The following CXorf66 variants were observed in gnomAD, a reference collection of about 807,000 sequenced individuals.
CXorf66 encodes the protein uncharacterized protein CXorf66.
A neutral mutation model predicts 5.0 loss-of-function variants in CXorf66; 6 were observed. That is an observed-to-expected ratio of 1.20 (90% CI 0.65 to 2.36). The LOEUF (loss-of-function observed/expected upper bound fraction) is 2.36. Among genes scored for constraint, CXorf66 ranks in the 30% most tolerant of loss-of-function variants. The probability of loss-of-function intolerance (pLI) is 0.00; values close to 1 mark genes in which losing one functional copy is unlikely to be tolerated. For synonymous variants in CXorf66, 98 were observed against 102.8 expected, an observed-to-expected ratio of 0.95 and a Z score of 0.28; for missense variants, 270 against 254.9, an observed-to-expected ratio of 1.06 and a Z score of -0.40.
rs771053523 is a variant in CXorf66, at chrX:139,956,674, G to C, written c.308C>G (p.Ser103Cys). ...GGGTTGTGTTTCTGGACTGCATTGA[G>C]AGGCTGTCTTGGCTTCACTGAATGA... ...KTSFSEAKTA[S>C]QCSPETQPML... is the part of the protein sequence containing the mutation. The change falls in exon 3 of 3, where the codon TCT becomes TGT. Residue 103 changes from serine to cysteine, a missense_variant. Physicochemically the swap from Ser to Cys is moderately radical, Grantham distance 112. Transcript: ENST00000370540. 2 of 1,210,451 alleles carry C rather than the reference G, an allele frequency of 1.7e-6. No individual in the cohort carries two copies. The highest frequency in any genetic ancestry group is 2.2e-6 in the Non-Finnish European group (2 of 894,262).
intron 1 of CXorf66, among the ~76,000 whole-genome samples, chrX:139,959,252 G>C (rs2148217932): frequency 9.0e-6 from 1 of 111,639 alleles, no homozygotes; most frequent in Admixed American, 9.6e-5. Context: ...CACCATTACT[G>C]AGGCTTCAGG....
chrX:139,965,025 A>G (rs925695743), intron 1 of CXorf66, among the ~76,000 whole-genome samples: 2 of 111,318 alleles, frequency 1.8e-5, no homozygotes, highest in African/African-American at 6.5e-5. Context: ...GCACATGTAT[A>G]CCTATGTAAC....
rs973846005 is a variant in CXorf66 at position 139,955,987 on chromosome X, T to C, written c.995A>G (p.Tyr332Cys). Residue 332 changes from tyrosine to cysteine, a missense_variant, in exon 3 of 3, where the codon TAT becomes TGT. Coordinates refer to ENST00000370540, the MANE Select transcript of CXorf66 (RefSeq NM_001013403.3). ...DHVNDSDTMK[Y>C]YSEVDSDKVI... ...TTTATCACTGTCAACCTCACTATAA[T>C]ATTTCATCGTATCACTGTCATTCAC... 1.7e-6 allele frequency: 2 copies of C among 1,208,021 alleles called. No homozygotes were observed. The highest frequency in any genetic ancestry group is 1.8e-5 in the South Asian group (1 of 56,746).
At chrX:139,961,605 C>T (rs779303878) in intron 1 of CXorf66, among the ~76,000 whole-genome samples, 4 of 112,303 alleles carry the variant, frequency 3.6e-5, no homozygotes, top group Non-Finnish European at 5.6e-5. Flanking sequence ...CAACCCAAAT[C>T]AACAGAATAT....
chrX:139,956,227 C>A lies in CXorf66; in HGVS notation c.755G>T (p.Gly252Val), dbSNP rs376390528. The change falls in exon 3 of 3, where the codon GGC (glycine) becomes GTC (valine). Residue 252 changes from glycine to valine, a missense_variant. Transcript: ENST00000370540. ...HFNPKRSVSL[G>V]RAALLSNSEL... ...AGAGTTGGATAATAAGGCTGCCCTG[C>A]CTAGACTCACTGACCTTTTTGGATT... is the stretch of plus-strand genomic sequence containing the variant. The A allele has an allele frequency of 1.2e-5, 14 of 1,211,597 alleles. No homozygotes were observed. Among genetic ancestry groups the A allele is most frequent in the Non-Finnish European group, 1.5e-5 (13 of 895,408 alleles).
rs2085570573 is a variant in CXorf66, at chrX:139,955,813, A to G, written c.*83T>C. Reference sequence around the variant, plus strand: ...GATCTTGATAGTGATTTTTCCCTCTACTGGTTTCTTAAGGGATGATGAGCA... The same window carrying G: ...GATCTTGATAGTGATTTTTCCCTCTGCTGGTTTCTTAAGGGATGATGAGCA... On this transcript the variant is annotated 3_prime_UTR_variant, in exon 3 of 3. Coordinates refer to ENST00000370540, the MANE Select transcript of CXorf66 (RefSeq NM_001013403.3). 1.1e-6 allele frequency: 1 copy of G among 924,023 alleles called. No homozygotes were observed. The highest frequency in any genetic ancestry group is 1.5e-6 in the Non-Finnish European group (1 of 684,412). The allele number at this position is 924,023 out of a possible 1,213,427, so 76.1% of individuals were successfully genotyped here. A position where few individuals can be genotyped will look rare whatever the true frequency, so the allele number is the denominator to read the frequency against.
rs1267062834 is a variant in CXorf66, at chrX:139,960,032, C to A, written c.89-1815G>T. On this transcript the variant is annotated intron_variant, in intron 1 of 2. Transcript: ENST00000370540. ...ATGTCTTTTCTCCTCCAAATGATCA[C>A]AACTCCTCTCCAGCAAGGGCACAAA... 3.6e-5 allele frequency among the ~76,000 whole-genome samples: 4 copies of A among 110,856 alleles called. No homozygotes were observed. In the South Asian group the frequency reaches 1.1e-3, roughly 32 times the overall value.
At chrX:139,957,320 CAA>C (rs2085577685) in intron 2 of CXorf66, among the ~76,000 whole-genome samples, 1 of 110,872 alleles carries the variant, frequency 9.0e-6, no homozygotes, top group African/African-American at 3.3e-5. Flanking sequence ...TAGAATTACA[CAA>C]AGTTATTTCA....
chrX:139,963,232 A>G (rs1483353870), intron 1 of CXorf66, among the ~76,000 whole-genome samples: 1 of 112,200 alleles, frequency 8.9e-6, no homozygotes, highest in Non-Finnish European at 1.9e-5. Flanking sequence ...TACAAAATCA[A>G]TGTCCAAAAA....
At chrX:139,960,460 A>G (rs894397318) in intron 1 of CXorf66, among the ~76,000 whole-genome samples, 2 of 110,909 alleles carry the variant, frequency 1.8e-5, no homozygotes, top group Non-Finnish European at 3.8e-5. Flanking sequence ...TGATTGGTGC[A>G]CCTGAAAGTG....
chrX:139,956,862 C>A, intron 2 of CXorf66, 123 bp from the exon 3 acceptor site: 1 of 683,260 alleles, frequency 1.5e-6, no homozygotes, highest in Non-Finnish European at 2.2e-6. Context: ...GAAAACTGAA[C>A]ACAGTAAGAA....
intron 1 of CXorf66, among the ~76,000 whole-genome samples, chrX:139,961,191 A>C (rs2085592139): frequency 8.9e-6 from 1 of 111,802 alleles, no homozygotes; most frequent in African/African-American, 3.3e-5. Context: ...GACCCATCAC[A>C]CGTGAAAAGA....
At chrX:139,960,275 T>C (rs1316887121) in intron 1 of CXorf66, among the ~76,000 whole-genome samples, 1 of 108,693 alleles carries the variant, frequency 9.2e-6, no homozygotes, top group Non-Finnish European at 1.9e-5. Context: ...AACTTCGTGA[T>C]GCATATACAA....
At chrX:139,957,731 A>G (rs1236806802) in intron 2 of CXorf66, among the ~76,000 whole-genome samples, 1 of 111,661 alleles carries the variant, frequency 9.0e-6, no homozygotes, top group African/African-American at 3.3e-5. Flanking sequence ...ATTGTCTTTG[A>G]AAAACAGAGA....
intron 1 of CXorf66, among the ~76,000 whole-genome samples, chrX:139,961,014 T>C (rs1324993750): frequency 9.0e-6 from 1 of 111,571 alleles, no homozygotes; most frequent in African/African-American, 3.3e-5. Context: ...ATGAAGAAAC[T>C]GCAACAACTA....
At chrX:139,963,463 A>G (rs1293629412) in intron 1 of CXorf66, among the ~76,000 whole-genome samples, 3 of 112,143 alleles carry the variant, frequency 2.7e-5, no homozygotes, top group African/African-American at 6.5e-5. Context: ...GGAAGAATCA[A>G]TATCGTGAAA....
chrX:139,965,330 C>T, intron 1 of CXorf66, 79 bp downstream of exon 1: 1 of 676,497 alleles, frequency 1.5e-6, no homozygotes, highest in South Asian at 2.9e-5. Flanking sequence ...TTCTTAAATA[C>T]AGCTGGCGTT....
intron 2 of CXorf66, 90 bp from the exon 3 acceptor site, chrX:139,956,829 G>C (rs1298207841): frequency 1.1e-6 from 1 of 899,579 alleles, no homozygotes. Context: ...GCTTAGACCT[G>C]TGGTCTTTTG....
intron 1 of CXorf66, among the ~76,000 whole-genome samples, chrX:139,960,719 A>G: frequency 8.9e-6 from 1 of 111,924 alleles, no homozygotes; most frequent in Non-Finnish European, 1.9e-5. Context: ...CATCAAACTA[A>G]CAGAGGATCT....
Sources: gnomAD v4.1 joint callset for allele counts (sites outside exome capture counted in the v4.1 genomes callset) on GRCh38, gnomAD v4.1.1 for gene constraint, MANE v1.5 for transcripts, NCBI Gene and HGNC (gene_info 2026-07-23, HGNC 2026-07-21) for gene names.